The following NUDT3 variants were observed in gnomAD, a reference collection of about 807,000 sequenced individuals.
The protein encoded by NUDT3 is nudix hydrolase 3.
A neutral mutation model predicts 23.6 loss-of-function variants in NUDT3; 9 were observed. The observed-to-expected ratio is 0.38, with a 90% CI of 0.23 to 0.66. NUDT3 has a LOEUF of 0.66. NUDT3 is among the 30% of genes least tolerant of loss of function. The pLI is 0.52. For missense variants in NUDT3, 172 were observed against 218.5 expected, an observed-to-expected ratio of 0.79 and a Z score of 1.34; for synonymous variants, 86 against 82.6, an observed-to-expected ratio of 1.04 and a Z score of -0.22.
At chr6:34,341,191 A>G (rs1462072766) in intron 2 of NUDT3, among the ~76,000 whole-genome samples, 2 of 152,186 alleles carry the variant, frequency 1.3e-5, no homozygotes, top group Non-Finnish European at 2.9e-5. Flanking sequence ...CTATGGAAAA[A>G]TAATAGTTCG....
intron 2 of NUDT3, among the ~76,000 whole-genome samples, chr6:34,318,724 A>AG (rs1763896795): frequency 6.7e-6 from 1 of 149,698 alleles, no homozygotes. Flanking sequence ...ATGTTTCTTT[A>AG]AAAAAAATTT....
chr6:34,378,457 T>A (rs1264215016), intron 1 of NUDT3, among the ~76,000 whole-genome samples: 1 of 152,204 alleles, frequency 6.6e-6, no homozygotes, highest in Admixed American at 6.5e-5. Context: ...AAGTGATATA[T>A]TAGGCAAAGT....
chr6:34,331,739 A>G (rs192751320), intron 2 of NUDT3, among the ~76,000 whole-genome samples: 21 of 152,358 alleles, frequency 1.4e-4, no homozygotes, highest in African/African-American at 1.7e-4. Context: ...TAAAAATTGT[A>G]TCTGTACTGA....
intron 1 of NUDT3, among the ~76,000 whole-genome samples, chr6:34,384,561 A>G (rs1413096219): frequency 6.6e-6 from 1 of 152,180 alleles, no homozygotes; most frequent in Non-Finnish European, 1.5e-5. Context: ...TAAAAAAGGA[A>G]AGGCTGGGGG....
chr6:34,320,467 C>T lies in NUDT3; in HGVS notation c.210+21395G>A, dbSNP rs536831017. On this transcript the variant is annotated intron_variant, in intron 2 of 4. Coordinates refer to ENST00000607016, the MANE Select transcript of NUDT3 (RefSeq NM_006703.4). ...TCAAACTCCTAACCTCGTGATCCGC[C>T]CACCTTGGCCTCCCAAAGTGCTGGG... 1.1e-4 allele frequency among the ~76,000 whole-genome samples: 16 copies of T among 152,228 alleles called. No homozygotes were observed. The East Asian group carries it at 3.1e-3, about 30-fold the overall frequency.
At chr6:34,305,437 ATTTC>A (rs1175589865) in intron 2 of NUDT3, among the ~76,000 whole-genome samples, 1 of 152,106 alleles carries the variant, frequency 6.6e-6, no homozygotes, top group African/African-American at 2.4e-5. Flanking sequence ...TTCTTCATTT[ATTTC>A]TGTCTTCCTA....
intron 1 of NUDT3, among the ~76,000 whole-genome samples, chr6:34,348,767 C>T (rs1764421651): frequency 6.7e-6 from 1 of 150,010 alleles, no homozygotes; most frequent in Non-Finnish European, 1.5e-5. Flanking sequence ...CAGCGCAAGA[C>T]TCCGTCTCAA....
rs1239812820 is a variant in NUDT3 at position 34,341,284 on chromosome 6, G to A, written c.210+578C>T. The stretch of plus-strand genomic sequence containing the variant: ...TGAAATAAGAGAACTAAGAGTCCAT[G>A]ACTTTACTTCTTTTATTTATTCTGG... On this transcript the variant is annotated intron_variant, in intron 2 of 4. Transcript: ENST00000607016. Among the ~76,000 whole-genome samples the A allele has an allele frequency of 2.0e-5, 3 of 151,956 alleles. No homozygotes were observed. In the East Asian group the frequency reaches 5.8e-4, roughly 29 times the overall value.
intron 1 of NUDT3, among the ~76,000 whole-genome samples, chr6:34,349,460 T>C (rs1306890723): frequency 6.6e-6 from 1 of 150,532 alleles, no homozygotes; most frequent in Non-Finnish European, 1.5e-5. Context: ...AGTTGTGAAA[T>C]CATCCTCTGA....
At position 34,284,993 on chromosome 6, in the gene NUDT3, G is replaced by A. The variant is rs976936547; in HGVS notation, c.*3760C>T. On this transcript the variant is annotated 3_prime_UTR_variant, in exon 5 of 5. Coordinates refer to ENST00000607016, the MANE Select transcript of NUDT3 (RefSeq NM_006703.4). ...GCCTCAAGTGCCTCATGTTCCATGG[G>A]GCTGTGCAGTGCAATGCAGAAGGCG... The A allele has an allele frequency of 1.3e-5, 2 of 152,176 alleles. No homozygotes were observed. The highest frequency in any genetic ancestry group is 4.8e-5 in the African/African-American group (2 of 41,426). 9.4% of individuals were successfully genotyped at this position (152,176 alleles called of 1,614,324 possible). A position where few individuals can be genotyped will look rare whatever the true frequency, so the allele number is the denominator to read the frequency against.
At chr6:34,365,972 C>A (rs1581892706) in intron 1 of NUDT3, among the ~76,000 whole-genome samples, 1 of 152,130 alleles carries the variant, frequency 6.6e-6, no homozygotes, top group East Asian at 1.9e-4. Context: ...GCCCCGGAGG[C>A]AGAGGTTGCA....
intron 1 of NUDT3, among the ~76,000 whole-genome samples, chr6:34,391,907 C>G (rs1765207815): frequency 6.6e-6 from 1 of 152,178 alleles, no homozygotes; most frequent in South Asian, 2.1e-4. Context: ...TGCGGAGCGG[C>G]CCTTCCAGGA....
intron 1 of NUDT3, among the ~76,000 whole-genome samples, chr6:34,347,972 C>T (rs957618671): frequency 2.0e-5 from 3 of 149,408 alleles, no homozygotes; most frequent in African/African-American, 7.5e-5. Context: ...CCCATGTCTA[C>T]CAAAAAAATA....
intron 3 of NUDT3, 94 bp downstream of exon 3, chr6:34,295,547 A>C (rs988332967): frequency 6.9e-7 from 1 of 1,459,412 alleles, no homozygotes; most frequent in African/African-American, 1.4e-5. Context: ...AAAAAAAAAA[A>C]AACTCGCTGA....
In NUDT3 at chr6:34,288,061, C is replaced by T. The variant is rs568121583; in HGVS notation, c.*692G>A. On this transcript the variant is annotated 3_prime_UTR_variant, in exon 5 of 5. Coordinates refer to ENST00000607016, the MANE Select transcript of NUDT3 (RefSeq NM_006703.4). ...GCACTATGAAGGTAGCTAAACTCTT[C>T]CCATATCTACAGTCAATGACTGGGA... is the stretch of plus-strand genomic sequence containing the variant. 6.6e-6 allele frequency: 1 copy of T among 152,338 alleles called. No homozygotes were observed. The highest frequency in any genetic ancestry group is 2.1e-4 in the South Asian group (1 of 4,830). 9.4% of individuals were successfully genotyped at this position (152,338 alleles called of 1,614,324 possible). A position where few individuals can be genotyped will look rare whatever the true frequency, so the allele number is the denominator to read the frequency against.
chr6:34,361,784 T>C (rs1441207366), intron 1 of NUDT3, among the ~76,000 whole-genome samples: 1 of 152,204 alleles, frequency 6.6e-6, no homozygotes, highest in Non-Finnish European at 1.5e-5. Flanking sequence ...TACTGTAAGA[T>C]TCCAACTAGA....
chr6:34,391,433 A>C (rs1327480508), intron 1 of NUDT3, among the ~76,000 whole-genome samples: 2 of 152,200 alleles, frequency 1.3e-5, no homozygotes, highest in Admixed American at 1.3e-4. Context: ...ATCACCACAG[A>C]AACGGCTTTG....
At position 34,282,101 on chromosome 6, in the gene NUDT3, A is replaced by G. The variant is rs1763286608; in HGVS notation, c.*6652T>C. 6.6e-6 allele frequency: 1 copy of G among 152,196 alleles called. No homozygotes were observed. The highest frequency in any genetic ancestry group is 6.5e-5 in the Admixed American group (1 of 15,276). 9.4% of individuals were successfully genotyped at this position (152,196 alleles called of 1,614,324 possible). A position where few individuals can be genotyped will look rare whatever the true frequency, so the allele number is the denominator to read the frequency against. On this transcript the variant is annotated 3_prime_UTR_variant, in exon 5 of 5. Transcript: ENST00000607016. The stretch of plus-strand genomic sequence containing the variant: ...TTCCCTGGCATAAGTCATATCTGTT[A>G]TGCTGCAGGAACTGAGTAACCAAAG...
intron 1 of NUDT3, among the ~76,000 whole-genome samples, chr6:34,388,318 G>C (rs545543883): frequency 6.6e-6 from 1 of 152,098 alleles, no homozygotes; most frequent in Non-Finnish European, 1.5e-5. Context: ...CACATTCCAT[G>C]TATGCTTCTT....
Sources: gnomAD v4.1 joint callset for allele counts (sites outside exome capture counted in the v4.1 genomes callset) on GRCh38, gnomAD v4.1.1 for gene constraint, MANE v1.5 for transcripts, NCBI Gene and HGNC (gene_info 2026-07-23, HGNC 2026-07-21) for gene names.